Variants in GALNT13 observed in about 807,000 individuals in gnomAD.
GALNT13 encodes polypeptide N-acetylgalactosaminyltransferase 13.
GALNT13 carries 28 observed loss-of-function variants against 64.2 expected under a neutral mutation model. The ratio of observed to expected loss-of-function variants is 0.44; its 90% CI spans 0.32 to 0.60. GALNT13 has a LOEUF of 0.60. GALNT13 is among the 20% of genes least tolerant of loss of function. GALNT13 has a pLI of 0.05. For synonymous variants in GALNT13, 214 were observed against 224.6 expected (o/e 0.95, Z 0.42); for missense variants, 577 against 669.8 (o/e 0.86, Z 1.53).
At chr2:153,417,202 A>G in the GALNT13 span, among the ~76,000 whole-genome samples, 5 of 152,190 alleles carry the variant, frequency 3.3e-5, no homozygotes, top group African/African-American at 1.2e-4. Flanking sequence ...TCCAGGAATG[A>G]AAAGGAGGTG....
the GALNT13 span, among the ~76,000 whole-genome samples, chr2:153,496,993 CA>C: frequency 0.046 from 4,142 of 90,772 alleles, 128 homozygotes; most frequent in African/African-American, 0.14. Context: ...GATTTTGTCT[CA>C]AAAAAAAAAA....
the GALNT13 span, among the ~76,000 whole-genome samples, chr2:153,479,893 C>A: frequency 6.6e-6 from 1 of 152,256 alleles, no homozygotes; most frequent in African/African-American, 2.4e-5. Flanking sequence ...GTTCCCGCTC[C>A]CCCTTTTCTG....
intron 3 of GALNT13, among the ~76,000 whole-genome samples, chr2:154,123,965 T>C (rs546505205): frequency 4.1e-4 from 63 of 152,224 alleles, no homozygotes; most frequent in African/African-American, 1.4e-3. Flanking sequence ...TATACATTTG[T>C]CTAAACTCAT....
At chr2:154,417,517 A>ATTTTTTTTT (rs775341273) in intron 11 of GALNT13, among the ~76,000 whole-genome samples, 2,110 of 126,780 alleles carry the variant, frequency 0.017, 61 homozygotes, top group African/African-American at 0.054. Context: ...TTATTTATTT[A>ATTTTTTTTT]TTTATTTTTT....
chr2:153,767,437 A>G, the GALNT13 span, among the ~76,000 whole-genome samples: 1 of 152,042 alleles, frequency 6.6e-6, no homozygotes, highest in African/African-American at 2.4e-5. Context: ...TTTTAATATA[A>G]TTATTTCTCT....
At chr2:153,222,890 C>T in the GALNT13 span, among the ~76,000 whole-genome samples, 1 of 152,168 alleles carries the variant, frequency 6.6e-6, no homozygotes, top group Non-Finnish European at 1.5e-5. Context: ...ACTGAGAGCG[C>T]AGGGATGCCT....
rs1228651061 is a variant in GALNT13 at position 154,441,960 on chromosome 2, CA to C, written c.1530+3235del. On this transcript the variant is annotated intron_variant, in intron 12 of 12. Coordinates refer to ENST00000392825, the MANE Select transcript of GALNT13 (RefSeq NM_052917.4). ...GGTAAATGCCTCGTTTAAGTTTGCA[CA>C]GCCAGATTCTGGCAGTAAATCCAGC... The C allele has an allele frequency of 7.2e-5, 11 of 152,242 alleles. 1 individual carries two copies. In the East Asian group the frequency reaches 2.1e-3, roughly 29 times the overall value. 9.4% of individuals were successfully genotyped at this position (152,242 alleles called of 1,614,324 possible).
the GALNT13 span, among the ~76,000 whole-genome samples, chr2:153,861,220 A>ATTT: frequency 6.6e-6 from 1 of 152,212 alleles, no homozygotes; most frequent in African/African-American, 2.4e-5. Flanking sequence ...AAACTGCATT[A>ATTT]TTTAATTCTC....
chr2:153,772,155 A>T, the GALNT13 span, among the ~76,000 whole-genome samples: 1 of 152,188 alleles, frequency 6.6e-6, no homozygotes, highest in Non-Finnish European at 1.5e-5. Context: ...TAGTCCTCCA[A>T]TGCAGAGCAA....
At chr2:153,441,566 C>G in the GALNT13 span, among the ~76,000 whole-genome samples, 1 of 152,178 alleles carries the variant, frequency 6.6e-6, no homozygotes, top group African/African-American at 2.4e-5. Context: ...CATAATGATT[C>G]TTCCTATTCA....
At chr2:154,279,477 G>T (rs1691840510) in intron 8 of GALNT13, among the ~76,000 whole-genome samples, 1 of 152,164 alleles carries the variant, frequency 6.6e-6, no homozygotes, top group African/African-American at 2.4e-5. Flanking sequence ...AGAGAAGATA[G>T]AATTTATATG....
At chr2:154,284,788 G>T (rs1441018348) in intron 8 of GALNT13, among the ~76,000 whole-genome samples, 2 of 152,120 alleles carry the variant, frequency 1.3e-5, no homozygotes, top group East Asian at 3.9e-4. Flanking sequence ...CAAAATAGCT[G>T]TACAAATATA....
At chr2:153,847,758 A>G in the GALNT13 span, among the ~76,000 whole-genome samples, 1 of 152,212 alleles carries the variant, frequency 6.6e-6, no homozygotes, top group Non-Finnish European at 1.5e-5. Context: ...AGAATGTTCT[A>G]AGTTGGTTTC....
intron 8 of GALNT13, among the ~76,000 whole-genome samples, chr2:154,271,153 G>A (rs190869545): frequency 4.6e-4 from 70 of 152,014 alleles, no homozygotes; most frequent in African/African-American, 1.6e-3. Context: ...TCACAGGGTT[G>A]CTTGTGAATA....
intron 8 of GALNT13, among the ~76,000 whole-genome samples, chr2:154,264,542 T>C (rs113669166): frequency 0.021 from 3,154 of 149,298 alleles, 80 homozygotes; most frequent in African/African-American, 0.065. Context: ...GAGGCTGAGG[T>C]AGAAGAATCG....
the GALNT13 span, among the ~76,000 whole-genome samples, chr2:153,303,081 T>C: frequency 1.3e-5 from 2 of 152,162 alleles, no homozygotes; most frequent in Non-Finnish European, 2.9e-5. Flanking sequence ...GTGAAAAATG[T>C]TATTGGAATT....
intron 9 of GALNT13, among the ~76,000 whole-genome samples, chr2:154,356,084 C>T (rs1043645414): frequency 6.6e-6 from 1 of 151,996 alleles, no homozygotes; most frequent in East Asian, 1.9e-4. Flanking sequence ...CAAATGATTT[C>T]TCTTTGATCA....
intron 3 of GALNT13, among the ~76,000 whole-genome samples, chr2:154,078,403 TCAAA>T (rs1254926756): frequency 6.6e-6 from 1 of 151,518 alleles, no homozygotes; most frequent in Non-Finnish European, 1.5e-5. Flanking sequence ...AGGATTTGTC[TCAAA>T]CAGATTGTAA....
chr2:153,736,604 C>T, the GALNT13 span, among the ~76,000 whole-genome samples: 6 of 152,138 alleles, frequency 3.9e-5, no homozygotes, highest in South Asian at 2.1e-4. Flanking sequence ...CATTTTCGTA[C>T]GTATTTCTCT....
Sources: allele counts gnomAD v4.1 joint callset (sites outside exome capture counted in the v4.1 genomes callset), GRCh38; gene constraint gnomAD v4.1.1; transcripts MANE v1.5; gene names NCBI Gene and HGNC (gene_info 2026-07-23, HGNC 2026-07-21).